The following ZBTB20 variants were observed in gnomAD, a reference collection of about 807,000 sequenced individuals.
The protein encoded by ZBTB20 is zinc finger and BTB domain containing 20, also known as zinc finger and BTB domain-containing protein 20.
ZBTB20 carries 9 observed loss-of-function variants against 56.9 expected under a neutral mutation model. The observed-to-expected ratio is 0.16, with a 90% CI of 0.10 to 0.28. The LOEUF (loss-of-function observed/expected upper bound fraction) is 0.28, where lower values mean the gene tolerates loss of function less well. Ranked by LOEUF, ZBTB20 falls within the 10% of genes least tolerant of loss-of-function variation. ZBTB20 has a pLI of 1.00. For synonymous variants in ZBTB20, 417 were observed against 420.7 expected (o/e 0.99, Z 0.11); for missense variants, 655 against 1,003.0 (o/e 0.65, Z 4.69).
chr3:115,073,394 T>C (rs1478750081), intron 1 of ZBTB20, among the ~76,000 whole-genome samples: 8 of 152,168 alleles, frequency 5.3e-5, no homozygotes, highest in Admixed American at 6.5e-5. Context: ...ATCTTTGGCA[T>C]TGGAGGGTTT....
intron 1 of ZBTB20, among the ~76,000 whole-genome samples, chr3:115,134,744 T>A (rs1041486750): frequency 2.0e-5 from 3 of 152,230 alleles, no homozygotes; most frequent in African/African-American, 7.2e-5. Flanking sequence ...GTACTCTGAT[T>A]TTCCTCTCTC....
At chr3:114,598,427 T>C (rs931043143) in intron 6 of ZBTB20, among the ~76,000 whole-genome samples, 2 of 148,434 alleles carry the variant, frequency 1.3e-5, no homozygotes, top group African/African-American at 4.9e-5. Context: ...TAGACTTAAA[T>C]GTGCTATATG....
chr3:115,034,407 A>G (rs1227066358), intron 2 of ZBTB20, among the ~76,000 whole-genome samples: 1 of 151,120 alleles, frequency 6.6e-6, no homozygotes, highest in Non-Finnish European at 1.5e-5. Context: ...GATAAAAAAA[A>G]TCATCACGCA....
At chr3:115,043,283 G>C (rs1380776691) in intron 2 of ZBTB20, among the ~76,000 whole-genome samples, 1 of 152,040 alleles carries the variant, frequency 6.6e-6, no homozygotes, top group Admixed American at 6.6e-5. Flanking sequence ...TGAAGGCCAG[G>C]CATGGTGGCT....
chr3:114,937,204 C>T (rs2076565312), intron 3 of ZBTB20, among the ~76,000 whole-genome samples: 1 of 152,190 alleles, frequency 6.6e-6, no homozygotes, highest in Non-Finnish European at 1.5e-5. Context: ...CTGTCTTCTA[C>T]AATGGTTGAA....
At chr3:114,787,007 G>T (rs2070543594) in intron 5 of ZBTB20, among the ~76,000 whole-genome samples, 1 of 151,862 alleles carries the variant, frequency 6.6e-6, no homozygotes, top group Non-Finnish European at 1.5e-5. Context: ...TAAAGACAGG[G>T]TCTCACTCTA....
At chr3:114,904,514 T>C (rs954315132) in intron 3 of ZBTB20, 1 of 152,012 alleles carries the variant, frequency 6.6e-6, no homozygotes, top group African/African-American at 2.4e-5. Flanking sequence ...ATTTAGTCCT[T>C]CTGGACCCAC....
At chr3:114,888,960 A>G (rs1310616905) in intron 4 of ZBTB20, among the ~76,000 whole-genome samples, 1 of 152,120 alleles carries the variant, frequency 6.6e-6, no homozygotes, top group African/African-American at 2.4e-5. Flanking sequence ...TTTACCTTTA[A>G]AAAGTCATAA....
At chr3:114,549,745 C>T (rs2050321324) in intron 6 of ZBTB20, among the ~76,000 whole-genome samples, 1 of 150,234 alleles carries the variant, frequency 6.7e-6, no homozygotes, top group African/African-American at 2.4e-5. Context: ...TACAAGTTGA[C>T]CTTTTTCTTT....
Position 114,315,596 on chromosome 3 carries a change from T to TGTGTGTGTGC in ZBTB20, c.*23408_*23409insGCACACACAC, listed in dbSNP as rs1217531096. 2 of 153,380 alleles carry TGTGTGTGTGC rather than the reference T, an allele frequency of 1.3e-5. No individual in the cohort carries two copies. Among genetic ancestry groups the TGTGTGTGTGC allele is most frequent in the Admixed American group, 1.3e-4 (2 of 15,248 alleles). The allele number at this position is 153,380 out of a possible 1,614,324, so 9.5% of individuals were successfully genotyped here. A position where few individuals can be genotyped will look rare whatever the true frequency, so the allele number is the denominator to read the frequency against. On this transcript the variant is annotated 3_prime_UTR_variant, in exon 12 of 12. Transcript: ENST00000675478. ...GTGTGTGTGTGTGTGTGTGTGTGTG[T>TGTGTGTGTGC]GTGTGTGTGTACACAGTAGCAATTG...
chr3:114,616,385 C>A (rs1560041578), intron 6 of ZBTB20, among the ~76,000 whole-genome samples: 2 of 152,038 alleles, frequency 1.3e-5, no homozygotes, highest in Non-Finnish European at 2.9e-5. Flanking sequence ...TTGGGCATTC[C>A]CTCTGTTAGC....
intron 6 of ZBTB20, among the ~76,000 whole-genome samples, chr3:114,566,837 T>C (rs1277044794): frequency 1.3e-5 from 2 of 152,242 alleles, no homozygotes; most frequent in Non-Finnish European, 2.9e-5. Flanking sequence ...TTTAGCAGAA[T>C]CTTCTTGGAA....
intron 6 of ZBTB20, among the ~76,000 whole-genome samples, chr3:114,627,158 G>A (rs2058699618): frequency 6.6e-6 from 1 of 152,062 alleles, no homozygotes; most frequent in African/African-American, 2.4e-5. Context: ...CACTTTTCAT[G>A]CAAAGCATTC....
chr3:114,886,057 T>C (rs924506749), intron 4 of ZBTB20, among the ~76,000 whole-genome samples: 3 of 152,192 alleles, frequency 2.0e-5, no homozygotes, highest in African/African-American at 4.8e-5. Flanking sequence ...TTAGGAATGG[T>C]TTACTTCACC....
At chr3:114,889,918 A>G (rs976546933) in intron 4 of ZBTB20, among the ~76,000 whole-genome samples, 1 of 152,180 alleles carries the variant, frequency 6.6e-6, no homozygotes, top group African/African-American at 2.4e-5. Flanking sequence ...TATGATTATG[A>G]TGACTAATGA....
At chr3:114,547,168 C>G (rs539509412) in intron 6 of ZBTB20, among the ~76,000 whole-genome samples, 1 of 152,186 alleles carries the variant, frequency 6.6e-6, no homozygotes, top group East Asian at 1.9e-4. Context: ...GTAGAGTGGC[C>G]TTACAGCTAG....
intron 6 of ZBTB20, among the ~76,000 whole-genome samples, chr3:114,650,979 AAATG>A (rs1013482626): frequency 6.6e-6 from 1 of 152,074 alleles, no homozygotes; most frequent in African/African-American, 2.4e-5. Flanking sequence ...AAGCAGGAAT[AAATG>A]AATGAGAGAT....
At chr3:114,865,063 C>CGAAAA (rs2075709514) in intron 4 of ZBTB20, among the ~76,000 whole-genome samples, 2 of 152,052 alleles carry the variant, frequency 1.3e-5, no homozygotes, top group Non-Finnish European at 2.9e-5. Context: ...AAAAACGAAT[C>CGAAAA]AGAAATTTTC....
Position 115,046,233 on chromosome 3 carries a change from T to C in ZBTB20, c.-507+24986A>G, listed in dbSNP as rs183939810. Among the ~76,000 whole-genome samples, 466 of 152,198 alleles carry C rather than the reference T, an allele frequency of 3.1e-3. 2 individuals carry two copies. Among genetic ancestry groups the C allele is most frequent in the Admixed American group, 9.0e-3 (138 of 15,290 alleles). On this transcript the variant is annotated intron_variant, in intron 2 of 11. Coordinates refer to ENST00000675478, the MANE Select transcript of ZBTB20 (RefSeq NM_001348800.3). ...ATGTAACAGATGCTAAGTCAAAAAT[T>C]ATATTACACACAAACCTAAAACGTT...
Sources: allele counts gnomAD v4.1 joint callset (sites outside exome capture counted in the v4.1 genomes callset), GRCh38; gene constraint gnomAD v4.1.1; transcripts MANE v1.5; gene names NCBI Gene and HGNC (gene_info 2026-07-23, HGNC 2026-07-21).